Variants in IL1RAPL1 observed in about 807,000 individuals in gnomAD.
IL1RAPL1 encodes interleukin-1 receptor accessory protein-like 1.
A neutral mutation model predicts 48.4 loss-of-function variants in IL1RAPL1; 3 were observed. The ratio of observed to expected loss-of-function variants is 0.06; its 90% confidence interval spans 0.03 to 0.16. The LOEUF is 0.16. Among genes scored for constraint, IL1RAPL1 ranks in the 10% least tolerant of loss-of-function variants. The pLI is 1.00. For missense variants in IL1RAPL1, 349 were observed against 530.6 expected (o/e 0.66, Z 3.36); for synonymous variants, 185 against 187.7 (o/e 0.99, Z 0.12).
At chrX:29,702,543 G>A (rs1307921000) in intron 6 of IL1RAPL1, among the ~76,000 whole-genome samples, 1 of 112,178 alleles carries the variant, frequency 8.9e-6, no homozygotes, top group East Asian at 2.8e-4. Flanking sequence ...GGGCGGGGAA[G>A]CTGGTGGTCT....
chrX:29,859,585 G>C (rs948352522), intron 6 of IL1RAPL1, among the ~76,000 whole-genome samples: 2 of 111,625 alleles, frequency 1.8e-5, no homozygotes, highest in Non-Finnish European at 3.8e-5. Context: ...ATACACCTTT[G>C]TATGTAAATA....
At chrX:28,873,523 C>CTTTTTTTTTTTTTT (rs10554661) in intron 2 of IL1RAPL1, among the ~76,000 whole-genome samples, 15 of 56,659 alleles carry the variant, frequency 2.6e-4, no homozygotes, top group African/African-American at 1.0e-3. Flanking sequence ...TTCTTTCTTT[C>CTTTTTTTTTTTTTT]TTTTTTTTTT....
At chrX:29,018,918 T>C (rs779799350) in intron 2 of IL1RAPL1, among the ~76,000 whole-genome samples, 18 of 112,062 alleles carry the variant, frequency 1.6e-4, no homozygotes, top group African/African-American at 5.2e-4. Flanking sequence ...TAGTCTGTTC[T>C]CATGCTGCTA....
At chrX:29,782,010 CTGAT>C (rs759478447) in intron 6 of IL1RAPL1, among the ~76,000 whole-genome samples, 12 of 111,078 alleles carry the variant, frequency 1.1e-4, no homozygotes, top group Non-Finnish European at 1.7e-4. Context: ...GATCAATGCA[CTGAT>C]TGATTGGTTG....
intron 1 of IL1RAPL1, among the ~76,000 whole-genome samples, chrX:28,643,102 T>C (rs1237065821): frequency 2.7e-5 from 3 of 111,334 alleles, no homozygotes; most frequent in Non-Finnish European, 5.7e-5. Flanking sequence ...TTGGCCAGGC[T>C]GGTCTCAAAC....
At chrX:28,601,675 C>A (rs1934027718) in intron 1 of IL1RAPL1, among the ~76,000 whole-genome samples, 1 of 111,044 alleles carries the variant, frequency 9.0e-6, no homozygotes, top group Admixed American at 9.6e-5. Flanking sequence ...ACTGAGGATG[C>A]ACATTGTTAA....
intron 2 of IL1RAPL1, among the ~76,000 whole-genome samples, chrX:28,854,656 A>G (rs1921757765): frequency 9.0e-6 from 1 of 111,431 alleles, no homozygotes; most frequent in African/African-American, 3.3e-5. Context: ...GACCAAACGC[A>G]AAATCCTAGG....
At chrX:29,120,301 C>T (rs985945340) in intron 2 of IL1RAPL1, among the ~76,000 whole-genome samples, 12 of 111,808 alleles carry the variant, frequency 1.1e-4, no homozygotes, top group African/African-American at 3.9e-4. Context: ...TAATTCATCT[C>T]GAGTTATTTT....
intron 6 of IL1RAPL1, among the ~76,000 whole-genome samples, chrX:29,709,300 T>C (rs1036816607): frequency 1.8e-5 from 2 of 111,775 alleles, no homozygotes; most frequent in South Asian, 3.7e-4. Context: ...TTTTGTTCAT[T>C]TTGAGTTGAG....
intron 2 of IL1RAPL1, among the ~76,000 whole-genome samples, chrX:28,979,427 A>G (rs943135061): frequency 4.5e-5 from 5 of 112,271 alleles, no homozygotes; most frequent in Admixed American, 9.5e-5. Context: ...GTAATTCACT[A>G]GTTTCTAAAG....
At position 29,807,861 on chromosome X, in the gene IL1RAPL1, A is replaced by G. The variant is rs761271940; in HGVS notation, c.779-109603A>G. On this transcript the variant is annotated intron_variant, in intron 6 of 10. Transcript: ENST00000378993. ...AGCGCATGATTATGCAATTAAATAA[A>G]TAATAAGAACACATAAAATAGCAAA... is the stretch of plus-strand genomic sequence containing the variant. 3.6e-5 allele frequency among the ~76,000 whole-genome samples: 4 copies of G among 111,419 alleles called. No individual in the cohort carries two copies. In the South Asian group the frequency reaches 1.5e-3, roughly 42 times the overall value.
At chrX:29,529,891 T>A in intron 5 of IL1RAPL1, among the ~76,000 whole-genome samples, 1 of 111,581 alleles carries the variant, frequency 9.0e-6, no homozygotes, top group Non-Finnish European at 1.9e-5. Flanking sequence ...TTGTGAAGTG[T>A]TCTTTGGATT....
chrX:29,282,631 C>T (rs190198172), intron 2 of IL1RAPL1, among the ~76,000 whole-genome samples: 5 of 112,002 alleles, frequency 4.5e-5, no homozygotes, highest in East Asian at 2.8e-4. Flanking sequence ...CTATTTTTAC[C>T]GAGCAGGCAG....
intron 5 of IL1RAPL1, among the ~76,000 whole-genome samples, chrX:29,487,026 C>G (rs1006555632): frequency 9.7e-6 from 1 of 102,901 alleles, no homozygotes; most frequent in Non-Finnish European, 2.0e-5. Flanking sequence ...AATGCTGATT[C>G]GTAGACCACA....
At chrX:29,315,968 G>T (rs1473688254) in intron 3 of IL1RAPL1, among the ~76,000 whole-genome samples, 2 of 111,775 alleles carry the variant, frequency 1.8e-5, no homozygotes, top group Admixed American at 9.5e-5. Flanking sequence ...AACTATAGGG[G>T]CAGGAGCAGT....
chrX:29,041,693 G>A (rs1166988909), intron 2 of IL1RAPL1, among the ~76,000 whole-genome samples: 3 of 111,569 alleles, frequency 2.7e-5, no homozygotes, highest in African/African-American at 6.5e-5. Flanking sequence ...CCCATATACC[G>A]TGTATTAGTT....
intron 2 of IL1RAPL1, among the ~76,000 whole-genome samples, chrX:28,821,260 GTTC>G (rs905906249): frequency 5.5e-4 from 61 of 111,021 alleles, no homozygotes; most frequent in African/African-American, 1.9e-3. Context: ...TTTCATGATA[GTTC>G]TTCTTGTTTG....
chrX:29,480,063 C>G (rs192665217), intron 5 of IL1RAPL1, among the ~76,000 whole-genome samples: 1 of 108,367 alleles, frequency 9.2e-6, no homozygotes, highest in Non-Finnish European at 1.9e-5. Context: ...TGGCTTCAAG[C>G]CAACAACTTC....
chrX:28,646,183 G>A (rs1934607400), intron 1 of IL1RAPL1, among the ~76,000 whole-genome samples: 1 of 111,989 alleles, frequency 8.9e-6, no homozygotes, highest in Non-Finnish European at 1.9e-5. Context: ...AACATCAGGC[G>A]TTAGTTGGAT....
Sources: allele counts gnomAD v4.1 joint callset (sites outside exome capture counted in the v4.1 genomes callset), GRCh38; gene constraint gnomAD v4.1.1; transcripts MANE v1.5; gene names NCBI Gene and HGNC (gene_info 2026-07-23, HGNC 2026-07-21).